AQR: variants seen among roughly 807,000 people sequenced by gnomAD.
AQR encodes aquarius intron-binding spliceosomal factor, also known as RNA helicase aquarius.
Under a neutral mutation model 180.5 loss-of-function variants are expected in AQR, and 61 were observed. That is an observed-to-expected ratio of 0.34 (90% confidence interval 0.28 to 0.42). AQR has a LOEUF of 0.42. AQR is among the 10% of genes least tolerant of loss of function. AQR has a pLI of 1.00. For synonymous variants in AQR, 551 were observed against 588.8 expected (o/e 0.94, Z 0.93); for missense variants, 1,281 against 1,798.3 (o/e 0.71, Z 5.20).
At position 34,855,572 on chromosome 15, in the gene AQR, GGACCTT is replaced by G. The variant is rs1159284011; in HGVS notation, c.*1214_*1219del. ...TTCCAGTTCTGGGCACCATGCCCAG[GGACCTT>G]GTAAGCAGAGGTCCCTTGTCAGAAA... On this transcript the variant is annotated 3_prime_UTR_variant, in exon 35 of 35. Transcript: ENST00000156471. 6.7e-6 allele frequency: 1 copy of G among 150,228 alleles called. No homozygotes were observed. Among genetic ancestry groups the G allele is most frequent in the African/African-American group, 2.5e-5 (1 of 40,664 alleles). 9.3% of individuals were successfully genotyped at this position (150,228 alleles called of 1,614,324 possible). A position where few individuals can be genotyped will look rare whatever the true frequency, so the allele number is the denominator to read the frequency against.
rs117154979 is a variant in AQR, at chr15:34,919,572, G to A, written c.1221+760C>T. On this transcript the variant is annotated intron_variant, in intron 14 of 34. Coordinates refer to ENST00000156471, the MANE Select transcript of AQR (RefSeq NM_014691.3). The stretch of plus-strand genomic sequence containing the variant: ...AGACCTTAATAGGCACAGGATCAAC[G>A]TTATCCTCAAACTTATTTTCCATTA... Among the ~76,000 whole-genome samples the A allele has an allele frequency of 8.1e-3, 1,239 of 152,232 alleles. 6 individuals are homozygous for A. Among genetic ancestry groups the A allele is most frequent in the Non-Finnish European group, 0.012 (850 of 68,004 alleles).
At chr15:34,882,785 G>T in intron 26 of AQR, 146 bp from the exon 27 acceptor site, 2 of 765,854 alleles carry the variant, frequency 2.6e-6, no homozygotes, top group Non-Finnish European at 3.7e-6. Context: ...TGTTCATTAT[G>T]ATTTCGGTAC....
chr15:34,916,745 T>C (rs1413817607), intron 15 of AQR, among the ~76,000 whole-genome samples: 1 of 151,482 alleles, frequency 6.6e-6, no homozygotes, highest in Non-Finnish European at 1.5e-5. Flanking sequence ...TGATCAAGCC[T>C]CTGCACAAGG....
chr15:34,905,703 C>A (rs758349516), intron 18 of AQR, among the ~76,000 whole-genome samples: 1 of 151,970 alleles, frequency 6.6e-6, no homozygotes, highest in East Asian at 1.9e-4. Flanking sequence ...AAAAATATAT[C>A]ATTGAACACA....
intron 34 of AQR, among the ~76,000 whole-genome samples, chr15:34,857,590 A>C (rs1358759993): frequency 6.6e-6 from 1 of 152,152 alleles, no homozygotes. Context: ...TCTCTACTAA[A>C]AAACACAAAA....
rs1892526154 is a variant in AQR, at chr15:34,852,320, G to A, written c.*4472C>T. 6.6e-6 allele frequency: 1 copy of A among 152,080 alleles called. No individual in the cohort carries two copies. The highest frequency in any genetic ancestry group is 2.1e-4 in the South Asian group (1 of 4,820). The allele number at this position is 152,080 out of a possible 1,614,324, so 9.4% of individuals were successfully genotyped here. Reference sequence around the variant, plus strand: ...ACAGTAGCTAGGACTACAGGTGCCTGCCACCATGGCTGGCTAATTTTTGTC... The same window carrying A: ...ACAGTAGCTAGGACTACAGGTGCCTACCACCATGGCTGGCTAATTTTTGTC... On this transcript the variant is annotated 3_prime_UTR_variant, in exon 35 of 35. Coordinates refer to ENST00000156471, the MANE Select transcript of AQR (RefSeq NM_014691.3).
chr15:34,901,152 G>A (rs1355138936), intron 19 of AQR, among the ~76,000 whole-genome samples: 8 of 152,058 alleles, frequency 5.3e-5, no homozygotes, highest in African/African-American at 1.9e-4. Context: ...GACTCCTATT[G>A]AGTAGGATGA....
At chr15:34,901,918 G>C (rs1248560918) in intron 19 of AQR, among the ~76,000 whole-genome samples, 1 of 152,180 alleles carries the variant, frequency 6.6e-6, no homozygotes, top group Non-Finnish European at 1.5e-5. Context: ...AATAAGATCA[G>C]GGCTCTGCCC....
intron 23 of AQR, 108 bp from the exon 24 acceptor site, chr15:34,890,432 C>T (rs1893127113): frequency 1.2e-6 from 1 of 842,776 alleles, no homozygotes; most frequent in African/African-American, 1.8e-5. Flanking sequence ...TATATTAGGC[C>T]ATTTATAATT....
chr15:34,879,332 GTGAGCGCAGAA>G (rs951150085), intron 27 of AQR, among the ~76,000 whole-genome samples: 3 of 152,186 alleles, frequency 2.0e-5, no homozygotes, highest in African/African-American at 7.2e-5. Flanking sequence ...GCCAACTAGA[GTGAGCGCAGAA>G]TGAGCTTGCT....
intron 18 of AQR, among the ~76,000 whole-genome samples, chr15:34,906,079 T>G (rs868606123): frequency 6.6e-6 from 1 of 151,928 alleles, no homozygotes; most frequent in East Asian, 1.9e-4. Context: ...ATATCTAACA[T>G]AGAAGTTCTG....
At chr15:34,926,179 T>A (rs1455251670) in intron 13 of AQR, among the ~76,000 whole-genome samples, 1 of 151,812 alleles carries the variant, frequency 6.6e-6, no homozygotes, top group Non-Finnish European at 1.5e-5. Flanking sequence ...AAAATAAAAA[T>A]AAATAAAAAA....
At chr15:34,959,734 T>C (rs1217079380) in intron 3 of AQR, among the ~76,000 whole-genome samples, 1 of 152,208 alleles carries the variant, frequency 6.6e-6, no homozygotes, top group Non-Finnish European at 1.5e-5. Context: ...ACCTCTATCT[T>C]TCTCAAATGG....
At chr15:34,941,630 A>G (rs1217425984) in intron 7 of AQR, among the ~76,000 whole-genome samples, 1 of 152,132 alleles carries the variant, frequency 6.6e-6, no homozygotes, top group African/African-American at 2.4e-5. Flanking sequence ...TACCCAATAA[A>G]GACTTTATGG....
At chr15:34,867,970 T>C (rs757943139) in intron 31 of AQR, 3 of 194,848 alleles carry the variant, frequency 1.5e-5, no homozygotes, top group East Asian at 3.4e-4. Context: ...CAATATAACT[T>C]AGTATGCTTA....
intron 9 of AQR, among the ~76,000 whole-genome samples, chr15:34,935,024 T>G (rs1351175345): frequency 3.3e-5 from 5 of 152,172 alleles, no homozygotes; most frequent in Admixed American, 3.3e-4. Flanking sequence ...CTTTACATTC[T>G]AAACTTCTGA....
chr15:34,966,869 CTTTTTTTTTTT>C (rs148912380), intron 1 of AQR, among the ~76,000 whole-genome samples: 1 of 67,036 alleles, frequency 1.5e-5, no homozygotes, highest in African/African-American at 5.9e-5. Context: ...CCACCCTGGC[CTTTTTTTTTTT>C]TTTTTTTTTT....
At chr15:34,932,686 G>A (rs993859118) in intron 10 of AQR, among the ~76,000 whole-genome samples, 11 of 152,148 alleles carry the variant, frequency 7.2e-5, no homozygotes, top group African/African-American at 1.2e-4. Context: ...AAGGCCGGGC[G>A]CGGTGGCTCA....
At position 34,904,368 on chromosome 15, in the gene AQR, T is replaced by C; in HGVS notation, c.1969A>G (p.Met657Val). 6.2e-7 allele frequency: 1 copy of C among 1,603,514 alleles called. No homozygotes were observed. Among genetic ancestry groups the C allele is most frequent in the Non-Finnish European group, 8.5e-7 (1 of 1,174,876 alleles). The change falls in exon 19 of 35, where the codon ATG (methionine) becomes GTG (valine). Residue 657 changes from methionine to valine, a missense_variant. By Grantham distance (21) the Met-to-Val change is conservative (BLOSUM62 1). This residue lies in a region of AQR where 200 missense variants were observed against 293.4 expected (regional missense o/e 0.68). Transcript: ENST00000156471. ...EDVYETFNII[M>V]RRKPKENNFK... ...TTATTTTCCTTTGGTTTTCTCCTCA[T>C]TATTATATTAAAAGTTTCATACACA...
Sources: allele counts gnomAD v4.1 joint callset (sites outside exome capture counted in the v4.1 genomes callset), GRCh38; gene constraint gnomAD v4.1.1; regional missense constraint gnomAD v4.1.1; transcripts MANE v1.5; gene names NCBI Gene and HGNC (gene_info 2026-07-23, HGNC 2026-07-21).